The following CRHR1 variants were observed in gnomAD, a reference collection of about 807,000 sequenced individuals.
The protein encoded by CRHR1 is corticotropin releasing hormone receptor 1.
In CRHR1, 28 loss-of-function variants were observed where a neutral mutation model predicts 56.0. The ratio of observed to expected loss-of-function variants is 0.50; its 90% confidence interval spans 0.37 to 0.69. CRHR1 has a LOEUF of 0.69. CRHR1 is among the 30% of genes least tolerant of loss of function. The pLI, the probability that CRHR1 is intolerant of heterozygous loss-of-function variation, is 0.00. For synonymous variants in CRHR1, 195 were observed against 216.5 expected (o/e 0.90, Z 0.87); for missense variants, 376 against 548.0 (o/e 0.69, Z 3.13).
rs933675816 is a variant in CRHR1 at position 45,817,983 on chromosome 17, G to A, written c.241+1401G>A. On this transcript the variant is annotated intron_variant, in intron 3 of 12. Transcript: ENST00000314537. ...GGAGGTCGCAGAGCCTGGAGGCAGGGTCACAGCCCAGGGACGATAACTCTC... is the reference window on the plus strand; with the variant it reads ...GGAGGTCGCAGAGCCTGGAGGCAGGATCACAGCCCAGGGACGATAACTCTC... 3.9e-5 allele frequency among the ~76,000 whole-genome samples: 6 copies of A among 152,316 alleles called. No homozygotes were observed. The South Asian group carries it at 6.2e-4, about 16-fold the overall frequency.
chr17:45,807,201 T>G, intron 2 of CRHR1, 104 bp downstream of exon 2: 1 of 1,042,522 alleles, frequency 9.6e-7, no homozygotes, highest in Non-Finnish European at 1.4e-6. Context: ...AAGGCAGGAT[T>G]TGCAGAGTCA....
intron 3 of CRHR1, among the ~76,000 whole-genome samples, chr17:45,818,190 G>C (rs1311229623): frequency 1.3e-5 from 2 of 152,196 alleles, no homozygotes; most frequent in Non-Finnish European, 2.9e-5. Flanking sequence ...TCAGATCTGA[G>C]TTGGTCACTC....
In CRHR1 at chr17:45,830,890, C is replaced by T; in HGVS notation, c.720C>T (p.Phe240=). The T allele has an allele frequency of 6.2e-7, 1 of 1,613,888 alleles. No homozygotes were observed. Among genetic ancestry groups the T allele is most frequent in the South Asian group, 1.1e-5 (1 of 91,070 alleles). The change falls in exon 8 of 13, where the codon TTC becomes TTT. Residue 240 remains phenylalanine, a synonymous_variant. Transcript: ENST00000314537. The stretch of plus-strand genomic sequence containing the variant: ...CCATCTCTCCCCCAGGTGTGCCCTT[C>T]CCCATCATTGTGGCCTGGGCCATTG... ...MFICIGWGVP[F]PIIVAWAIGK...
At chr17:45,798,581 C>G (rs1052716881) in intron 1 of CRHR1, among the ~76,000 whole-genome samples, 3 of 150,800 alleles carry the variant, frequency 2.0e-5, no homozygotes, top group Admixed American at 2.0e-4. Flanking sequence ...GAGCTTACAA[C>G]TCAAGCTTAT....
intron 2 of CRHR1, among the ~76,000 whole-genome samples, chr17:45,813,992 C>T (rs953315443): frequency 9.2e-5 from 14 of 152,258 alleles, no homozygotes; most frequent in Non-Finnish European, 1.9e-4. Context: ...TCCTCAGTGG[C>T]TGGCCTCTGC....
chr17:45,821,461 G>T (rs746955250), intron 4 of CRHR1, 21 bp downstream of exon 4: 1 of 1,608,380 alleles, frequency 6.2e-7, no homozygotes, highest in Admixed American at 1.7e-5. Flanking sequence ...GCCGAACAAG[G>T]CTGCCCATAT....
chr17:45,834,691 C>T lies in CRHR1; in HGVS notation c.1175C>T (p.Ala392Val), dbSNP rs1193175376. 1.2e-6 allele frequency: 2 copies of T among 1,613,692 alleles called. No individual in the cohort carries two copies. Among genetic ancestry groups the T allele is most frequent in the Non-Finnish European group, 8.5e-7 (1 of 1,179,962 alleles). The change falls in exon 13 of 13, where the codon GCC becomes GTC. Residue 392 changes from alanine to valine, a missense_variant. Physicochemically the swap from Ala to Val is moderately conservative, Grantham distance 64. Around this residue, in one of 2 missense-constraint regions of CRHR1, gnomAD observed 369 missense variants for 519.5 expected, o/e 0.71. Transcript: ENST00000314537. Reference protein sequence around the residue: ...QDKHSIRARVARAMSIPTSPT... With the variant: ...QDKHSIRARVVRAMSIPTSPT... The stretch of plus-strand genomic sequence containing the variant: ...AAGCACTCGATCCGTGCCCGAGTGG[C>T]CCGTGCCATGTCCATCCCCACCTCC...
chr17:45,788,552 A>G (rs550548243), intron 1 of CRHR1, among the ~76,000 whole-genome samples: 12 of 152,214 alleles, frequency 7.9e-5, no homozygotes, highest in Admixed American at 2.0e-4. Flanking sequence ...CCCCAGCTAT[A>G]AAATGGGGGA....
At chr17:45,788,173 G>C (rs111786485) in intron 1 of CRHR1, among the ~76,000 whole-genome samples, 165 of 152,366 alleles carry the variant, frequency 1.1e-3, no homozygotes, top group African/African-American at 3.8e-3. Context: ...GAAGGAAGCA[G>C]TTAGGTGCCG....
At chr17:45,814,995 A>G (rs2061898290) in intron 2 of CRHR1, among the ~76,000 whole-genome samples, 1 of 152,250 alleles carries the variant, frequency 6.6e-6, no homozygotes. Context: ...GCTGCTCGGC[A>G]CTGCCCTGAG....
chr17:45,786,491 C>T (rs1235875720), intron 1 of CRHR1, among the ~76,000 whole-genome samples: 1 of 152,074 alleles, frequency 6.6e-6, no homozygotes, highest in Non-Finnish European at 1.5e-5. Flanking sequence ...TCCTAACAGC[C>T]CTAGGAAGTA....
chr17:45,830,073 C>T, intron 5 of CRHR1, 21 bp from the exon 6 acceptor site: 5 of 1,613,854 alleles, frequency 3.1e-6, no homozygotes, highest in Non-Finnish European at 3.4e-6. Context: ...CTCCCATCAT[C>T]CACCCGCCCT....
intron 1 of CRHR1, among the ~76,000 whole-genome samples, chr17:45,804,124 T>A (rs1207055191): frequency 6.6e-6 from 1 of 152,188 alleles, no homozygotes; most frequent in Non-Finnish European, 1.5e-5. Flanking sequence ...TACTGATTAA[T>A]AAAGTGTTGG....
intron 1 of CRHR1, among the ~76,000 whole-genome samples, chr17:45,791,852 T>TCACA (rs59855327): frequency 0.063 from 7,617 of 120,934 alleles, 279 homozygotes; most frequent in South Asian, 0.089. Flanking sequence ...TCTCTCTCTC[T>TCACA]CACACACACA....
At chr17:45,820,280 TG>T in intron 3 of CRHR1, among the ~76,000 whole-genome samples, 1 of 152,280 alleles carries the variant, frequency 6.6e-6, no homozygotes, top group South Asian at 2.1e-4. Context: ...TTAGAGCTAC[TG>T]ATGCCAGAGC....
chr17:45,787,318 A>C (rs964684066), intron 1 of CRHR1, among the ~76,000 whole-genome samples: 2 of 152,120 alleles, frequency 1.3e-5, no homozygotes, highest in African/African-American at 4.8e-5. Context: ...GGAGTCAGCC[A>C]CACACCCACT....
intron 2 of CRHR1, among the ~76,000 whole-genome samples, chr17:45,813,831 T>C (rs2146327282): frequency 6.6e-6 from 1 of 152,358 alleles, no homozygotes; most frequent in South Asian, 2.1e-4. Flanking sequence ...CTGGGAACCA[T>C]ACCACAGAGG....
At position 45,821,223 on chromosome 17, in the gene CRHR1, A is replaced by T. The variant is rs2062033160; in HGVS notation, c.242-132A>T. The stretch of plus-strand genomic sequence containing the variant: ...TAAGGAAGCCCCTCTCCCCAGCTTC[A>T]CTACACAACCCCCAGCCAGCAGGTG... On this transcript the variant is annotated intron_variant, in intron 3 of 12. Transcript: ENST00000314537. 3.8e-6 allele frequency: 3 copies of T among 792,138 alleles called. No homozygotes were observed. The South Asian group carries it at 4.4e-5, about 12-fold the overall frequency. 49.1% of individuals were successfully genotyped at this position (792,138 alleles called of 1,614,324 possible). A position where few individuals can be genotyped will look rare whatever the true frequency, so the allele number is the denominator to read the frequency against.
At chr17:45,801,405 C>T (rs1317039529) in intron 1 of CRHR1, among the ~76,000 whole-genome samples, 1 of 152,222 alleles carries the variant, frequency 6.6e-6, no homozygotes, top group Non-Finnish European at 1.5e-5. Context: ...ATGATACCCG[C>T]CCAGTCTGCT....
Sources: allele counts gnomAD v4.1 joint callset (sites outside exome capture counted in the v4.1 genomes callset), GRCh38; gene constraint gnomAD v4.1.1; regional missense constraint gnomAD v4.1.1; transcripts MANE v1.5; gene names NCBI Gene and HGNC (gene_info 2026-07-23, HGNC 2026-07-21).